CFAP61: variants seen among roughly 807,000 people sequenced by gnomAD.
The protein encoded by CFAP61 is cilia- and flagella-associated protein 61.
CFAP61 carries 107 observed loss-of-function variants against 135.6 expected under a neutral mutation model. The ratio of observed to expected loss-of-function variants is 0.79; its 90% CI spans 0.67 to 0.93. The LOEUF is 0.93. Among genes scored for constraint, CFAP61 ranks in the 40% least tolerant of loss-of-function variants. CFAP61 has a pLI of 0.00. For synonymous variants in CFAP61, 575 were observed against 578.5 expected (o/e 0.99, Z 0.09); for missense variants, 1,507 against 1,556.2 (o/e 0.97, Z 0.53).
chr20:20,109,839 C>T (rs1445791701), intron 8 of CFAP61, among the ~76,000 whole-genome samples: 1 of 151,776 alleles, frequency 6.6e-6, no homozygotes, highest in Non-Finnish European at 1.5e-5. Flanking sequence ...CATTTTGTGA[C>T]CTCTTTCTCC....
At chr20:20,296,316 C>CTCCTTCCTTCCCTTCCTTCCTTCCTTGCT (rs2055548564) in intron 24 of CFAP61, among the ~76,000 whole-genome samples, 2 of 36,118 alleles carry the variant, frequency 5.5e-5, no homozygotes, top group Non-Finnish European at 1.0e-4. Flanking sequence ...CCTTCCTTCC[C>CTCCTTCCTTCCCTTCCTTCCTTCCTTGCT]TCCTTCCTTC....
intron 25 of CFAP61, among the ~76,000 whole-genome samples, chr20:20,300,752 C>T (rs890911123): frequency 2.8e-4 from 43 of 151,794 alleles, no homozygotes; most frequent in African/African-American, 8.5e-4. Context: ...ATTACAGGCA[C>T]GTGCTACCAC....
At chr20:20,360,159 T>G in intron 26 of CFAP61, 51 bp from the exon 27 acceptor site, 1 of 1,360,056 alleles carries the variant, frequency 7.4e-7, no homozygotes, top group Non-Finnish European at 1.1e-6. Flanking sequence ...CCGTTACAAC[T>G]GTGCAGGGTC....
At chr20:20,334,673 C>T (rs894992740) in intron 25 of CFAP61, among the ~76,000 whole-genome samples, 4 of 152,168 alleles carry the variant, frequency 2.6e-5, no homozygotes, top group South Asian at 4.1e-4. Flanking sequence ...GCTGCTCTTT[C>T]GGTTATGTAA....
At chr20:20,090,000 G>A (rs1439231040) in intron 6 of CFAP61, among the ~76,000 whole-genome samples, 1 of 152,218 alleles carries the variant, frequency 6.6e-6, no homozygotes, top group Non-Finnish European at 1.5e-5. Context: ...ATGTAACTAT[G>A]AAACAGGAAG....
rs756993253 is a variant in CFAP61, at chr20:20,251,590, T to C, written c.2160-5T>C. The C allele has an allele frequency of 1.2e-5, 20 of 1,613,746 alleles. No homozygotes were observed. Among genetic ancestry groups the C allele is most frequent in the Middle Eastern group, 1.7e-4 (1 of 6,060 alleles). On this transcript the variant is annotated splice_polypyrimidine_tract_variant and splice_region_variant and intron_variant, in intron 19 of 26. Coordinates refer to ENST00000245957, the MANE Select transcript of CFAP61 (RefSeq NM_015585.4). ...ATGTCACTTACGGAGCTTCTCTCTT[T>C]GCAGCCACTGTTTTAATGATAAAGA...
intron 8 of CFAP61, among the ~76,000 whole-genome samples, chr20:20,123,524 T>G (rs931207023): frequency 2.6e-5 from 4 of 151,720 alleles, no homozygotes; most frequent in Non-Finnish European, 5.9e-5. Flanking sequence ...TTTCCCCACT[T>G]TATGTTTTTG....
At chr20:20,252,290 G>C (rs182036607) in intron 20 of CFAP61, among the ~76,000 whole-genome samples, 1 of 149,448 alleles carries the variant, frequency 6.7e-6, no homozygotes, top group East Asian at 2.3e-4. Context: ...ATCCACATTT[G>C]AGTAAAGCAT....
At chr20:20,198,415 C>T (rs1398709211) in intron 16 of CFAP61, among the ~76,000 whole-genome samples, 1 of 152,138 alleles carries the variant, frequency 6.6e-6, no homozygotes, top group East Asian at 1.9e-4. Flanking sequence ...TATACATTTA[C>T]CTCAATAGTA....
intron 25 of CFAP61, among the ~76,000 whole-genome samples, chr20:20,301,934 C>A (rs1046717397): frequency 1.6e-4 from 24 of 152,254 alleles, no homozygotes; most frequent in African/African-American, 5.8e-4. Flanking sequence ...TCCATGAAAA[C>A]CCCATTGGAT....
intron 21 of CFAP61, among the ~76,000 whole-genome samples, chr20:20,268,759 T>C (rs1332032858): frequency 1.3e-5 from 2 of 152,186 alleles, no homozygotes; most frequent in African/African-American, 4.8e-5. Flanking sequence ...TTTATGGCAC[T>C]AATTGAAACT....
intron 6 of CFAP61, among the ~76,000 whole-genome samples, chr20:20,089,295 T>C (rs2146611300): frequency 6.6e-6 from 1 of 152,114 alleles, no homozygotes; most frequent in Non-Finnish European, 1.5e-5. Context: ...CTTGCTCTCC[T>C]CCCTCTGCAA....
intron 25 of CFAP61, among the ~76,000 whole-genome samples, chr20:20,305,581 TCA>T (rs1189765645): frequency 1.3e-5 from 2 of 152,318 alleles, no homozygotes; most frequent in Non-Finnish European, 2.9e-5. Flanking sequence ...GCCTCATCCC[TCA>T]CACGCTTCCC....
rs1435811901 is a variant in CFAP61, at chr20:20,246,233, T to C, written c.2159+18T>C. 1.3e-6 allele frequency: 2 copies of C among 1,501,758 alleles called. No homozygotes were observed. The highest frequency in any genetic ancestry group is 2.3e-5 in the South Asian group (2 of 88,744). 93.0% of individuals were successfully genotyped at this position (1,501,758 alleles called of 1,614,324 possible). On this transcript the variant is annotated intron_variant, in intron 19 of 26. Transcript: ENST00000245957. ...GCCAGCGAGTATGAATTGTATTTGCTTTTTCATTCTGAGGCCTAAATGTCC... is the reference window on the plus strand; with the variant it reads ...GCCAGCGAGTATGAATTGTATTTGCCTTTTCATTCTGAGGCCTAAATGTCC...
chr20:20,256,232 T>C lies in CFAP61; in HGVS notation c.2328+4469T>C, dbSNP rs192974171. On this transcript the variant is annotated intron_variant, in intron 20 of 26. Coordinates refer to ENST00000245957, the MANE Select transcript of CFAP61 (RefSeq NM_015585.4). ...CCCAAATTTCTGACCAACAAAATCA[T>C]GGAAAGTTAAGAAAGTAGGTATTTA... Among the ~76,000 whole-genome samples the C allele has an allele frequency of 4.3e-4, 65 of 152,244 alleles. 1 individual carries two copies. The highest frequency in any genetic ancestry group is 1.5e-3 in the Admixed American group (23 of 15,290).
At chr20:20,218,590 A>G (rs2048192863) in intron 17 of CFAP61, among the ~76,000 whole-genome samples, 1 of 152,182 alleles carries the variant, frequency 6.6e-6, no homozygotes, top group African/African-American at 2.4e-5. Flanking sequence ...AACCCACTGT[A>G]TTTTGGCTTG....
chr20:20,169,660 A>G (rs1267446978), intron 13 of CFAP61, among the ~76,000 whole-genome samples, 200 bp downstream of exon 13: 1 of 152,230 alleles, frequency 6.6e-6, no homozygotes, highest in Non-Finnish European at 1.5e-5. Flanking sequence ...TCAGATATTA[A>G]AACATAATAT....
intron 13 of CFAP61, among the ~76,000 whole-genome samples, chr20:20,178,676 T>TC (rs75671728): frequency 2.9e-5 from 2 of 68,554 alleles, no homozygotes; most frequent in South Asian, 4.2e-4. Context: ...TTTAATCGAT[T>TC]CTCCCCCCCA....
chr20:20,156,593 A>G (rs1401319119), intron 9 of CFAP61, among the ~76,000 whole-genome samples: 2 of 152,172 alleles, frequency 1.3e-5, no homozygotes, highest in South Asian at 2.1e-4. Context: ...AATTAAGACT[A>G]TCTTTCACTC....
Sources: gnomAD v4.1 joint callset for allele counts (sites outside exome capture counted in the v4.1 genomes callset) on GRCh38, gnomAD v4.1.1 for gene constraint, MANE v1.5 for transcripts, NCBI Gene and HGNC (gene_info 2026-07-23, HGNC 2026-07-21) for gene names.